Variants in MAP3K14 observed in about 807,000 individuals in gnomAD.
MAP3K14 encodes mitogen-activated protein kinase kinase kinase 14, also known as NF-kappa-beta-inducing kinase.
MAP3K14 carries 16 observed loss-of-function variants against 99.2 expected under a neutral mutation model. The observed-to-expected ratio is 0.16, with a 90% CI of 0.11 to 0.24. The LOEUF is 0.24. Among genes scored for constraint, MAP3K14 ranks in the 10% least tolerant of loss-of-function variants. The probability of loss-of-function intolerance (pLI) is 1.00; values close to 1 mark genes in which losing one functional copy is unlikely to be tolerated. For missense variants in MAP3K14, 784 were observed against 1,208.7 expected, an observed-to-expected ratio of 0.65 and a Z score of 5.21; for synonymous variants, 462 against 492.4, an observed-to-expected ratio of 0.94 and a Z score of 0.82.
intron 1 of MAP3K14, among the ~76,000 whole-genome samples, chr17:45,306,541 G>C (rs2044431179): frequency 6.6e-6 from 1 of 152,202 alleles, no homozygotes; most frequent in Admixed American, 6.5e-5. Context: ...ACCCAGGCCT[G>C]ACATAGCCAG....
chr17:45,273,438 A>G (rs577397347), intron 9 of MAP3K14, 65 bp downstream of exon 9: 1 of 1,262,030 alleles, frequency 7.9e-7, no homozygotes, highest in African/African-American at 1.5e-5. Context: ...CCCATTCTGG[A>G]AAGCATGGAA....
intron 1 of MAP3K14, among the ~76,000 whole-genome samples, chr17:45,308,296 T>C (rs1317900366): frequency 6.6e-6 from 1 of 152,196 alleles, no homozygotes. Context: ...GAGCCTTCTC[T>C]GTTGAAACCC....
rs1260838458 is a variant in MAP3K14 at position 45,289,407 on chromosome 17, C to T, written c.257-102G>A. 3.8e-5 allele frequency: 34 copies of T among 885,510 alleles called. No homozygotes were observed. The East Asian group carries it at 8.9e-4, about 23-fold the overall frequency. 54.9% of individuals were successfully genotyped at this position (885,510 alleles called of 1,614,324 possible). On this transcript the variant is annotated intron_variant, in intron 2 of 15. Coordinates refer to ENST00000344686, the MANE Select transcript of MAP3K14 (RefSeq NM_003954.5). ...AGATCCCCTCTGGCGCCTCTCCTTCCCCTCCTTTCCAGACAACCCCTGTCT... is the reference window on the plus strand; with the variant it reads ...AGATCCCCTCTGGCGCCTCTCCTTCTCCTCCTTTCCAGACAACCCCTGTCT...
chr17:45,274,555 T>C lies in MAP3K14; in HGVS notation c.1329A>G (p.Ala443=). 5.0e-6 allele frequency: 8 copies of C among 1,613,960 alleles called. No homozygotes were observed. The highest frequency in any genetic ancestry group is 5.9e-6 in the Non-Finnish European group (7 of 1,179,888). Residue 443 remains alanine, a synonymous_variant, in exon 7 of 16, where the codon GCA becomes GCG. Transcript: ENST00000344686. ...TTCTGGGTGAGGTCAATCCTGCACATGCCATCAGCTCCTCTGCCCGAAATA... is the reference window on the plus strand; with the variant it reads ...TTCTGGGTGAGGTCAATCCTGCACACGCCATCAGCTCCTCTGCCCGAAATA... The part of the protein sequence containing the change: ...LEVFRAEELM[A]CAGLTSPRIV...
intron 7 of MAP3K14, 79 bp from the exon 8 acceptor site, chr17:45,274,333 C>G (rs2044162911): frequency 6.4e-7 from 1 of 1,570,222 alleles, no homozygotes; most frequent in Non-Finnish European, 8.7e-7. Flanking sequence ...ACAGGGCAGG[C>G]AGTGGAAAGC....
rs1391419051 is a variant in MAP3K14 at position 45,267,576 on chromosome 17, G to A, written c.2156C>T (p.Pro719Leu). 6.2e-7 allele frequency: 1 copy of A among 1,613,342 alleles called. No individual in the cohort carries two copies. Among genetic ancestry groups the A allele is most frequent in the Non-Finnish European group, 8.5e-7 (1 of 1,179,636 alleles). Residue 719 changes from proline to leucine, a missense_variant, in exon 12 of 16, where the codon CCA becomes CTA. By Grantham distance (98) the Pro-to-Leu change is moderately conservative. Coordinates refer to ENST00000344686, the MANE Select transcript of MAP3K14 (RefSeq NM_003954.5). This position sits in a 1 kb window ranked among gnomAD's most constrained non-coding sequence, Gnocchi z 5.1. Reference protein sequence around the residue: ...RAPKLQPPLPPEPPEPNKSPP... With the variant: ...RAPKLQPPLPLEPPEPNKSPP... ...AGACTTGTTTGGCTCTGGGGGCTCT[G>A]GTGGGAGAGGAGGCTGGAGCTTAGG...
chr17:45,281,326 C>T (rs868675069), intron 6 of MAP3K14, among the ~76,000 whole-genome samples: 21 of 150,114 alleles, frequency 1.4e-4, no homozygotes, highest in African/African-American at 4.7e-4. Flanking sequence ...GTATAAGTGC[C>T]GCACCGCCTG....
At chr17:45,303,225 C>T (rs1250521304) in intron 1 of MAP3K14, among the ~76,000 whole-genome samples, 1 of 152,238 alleles carries the variant, frequency 6.6e-6, no homozygotes, top group African/African-American at 2.4e-5. Context: ...CCTAGCTAGC[C>T]TCTCCTGCCT....
intron 2 of MAP3K14, among the ~76,000 whole-genome samples, chr17:45,289,813 G>A (rs1445295456): frequency 6.6e-6 from 1 of 152,214 alleles, no homozygotes; most frequent in Non-Finnish European, 1.5e-5. Context: ...TATGCGTGTG[G>A]AGAAATGACA....
intron 14 of MAP3K14, 39 bp from the exon 15 acceptor site, chr17:45,265,302 C>T (rs1287287775): frequency 2.1e-6 from 3 of 1,409,032 alleles, no homozygotes. Flanking sequence ...AGAGCGGCTG[C>T]TGGCTCCCCA....
chr17:45,295,287 C>T (rs550995452), intron 1 of MAP3K14, among the ~76,000 whole-genome samples: 8 of 151,796 alleles, frequency 5.3e-5, no homozygotes, highest in African/African-American at 1.9e-4. Flanking sequence ...CCTCATCTCC[C>T]AATAACTAAA....
intron 15 of MAP3K14, 88 bp from the exon 16 acceptor site, chr17:45,264,888 C>T (rs886164806): frequency 1.2e-5 from 17 of 1,404,714 alleles, no homozygotes; most frequent in Admixed American, 4.1e-5. Flanking sequence ...CCAGCCAGAC[C>T]GGCAGCCCTA....
At chr17:45,300,018 G>T (rs1048701259) in intron 1 of MAP3K14, among the ~76,000 whole-genome samples, 6 of 152,150 alleles carry the variant, frequency 3.9e-5, no homozygotes, top group Non-Finnish European at 8.8e-5. Flanking sequence ...TGAACCTAGA[G>T]GTGGAGGTTG....
chr17:45,290,525 C>A lies in MAP3K14; in HGVS notation c.221G>T (p.Gly74Val). ...GGCGATGATAGAGATGGCAGCTGGC[C>A]CTGCCTCGGAGCCTTCCTTGGCTGT... ...KGTAKEGSEA[G>V]PAAISIIAQA... Residue 74 changes from glycine (G) to valine (V), a missense_variant, in exon 2 of 16, where the codon GGG becomes GTG. Around this residue, in one of 5 missense-constraint regions of MAP3K14, gnomAD observed 188 missense variants for 313.0 expected, o/e 0.60. Coordinates refer to ENST00000344686, the MANE Select transcript of MAP3K14 (RefSeq NM_003954.5). 2 of 1,613,960 alleles carry A rather than the reference C, an allele frequency of 1.2e-6. No homozygotes were observed. The highest frequency in any genetic ancestry group is 1.7e-6 in the Non-Finnish European group (2 of 1,179,896).
chr17:45,270,155 T>C (rs998254904), intron 11 of MAP3K14, among the ~76,000 whole-genome samples: 8 of 152,172 alleles, frequency 5.3e-5, no homozygotes, highest in African/African-American at 1.4e-4. Context: ...GGGTTGATTG[T>C]AGTTGAGTGG....
At chr17:45,309,065 C>T (rs1002275298) in intron 1 of MAP3K14, among the ~76,000 whole-genome samples, 2 of 152,216 alleles carry the variant, frequency 1.3e-5, no homozygotes, top group African/African-American at 4.8e-5. Flanking sequence ...AATCCTCCTG[C>T]CTTAGCCTCC....
At chr17:45,313,818 T>C (rs943179318) in intron 1 of MAP3K14, among the ~76,000 whole-genome samples, 2 of 152,200 alleles carry the variant, frequency 1.3e-5, no homozygotes, top group Admixed American at 1.3e-4. Context: ...AGAAAATCCT[T>C]ATCGTTTCAT....
intron 14 of MAP3K14, 82 bp from the exon 15 acceptor site, chr17:45,265,345 GTTT>G: frequency 1.1e-6 from 1 of 905,960 alleles, no homozygotes; most frequent in South Asian, 1.3e-5. Context: ...CTGGGGGAAC[GTTT>G]TTGTTAAAAG....
At position 45,265,214 on chromosome 17, in the gene MAP3K14, C is replaced by T. The variant is rs1598236761; in HGVS notation, c.2628G>A (p.Arg876=). The part of the protein sequence containing the change: ...QSLNGEHLHI[R]EFHRVKVGDI... ...CTCCCACTTTGACCCGGTGGAACTC[C>T]CGGATGTGCAGGTGTTCACCATTAA... The change falls in exon 15 of 16, where the codon CGG becomes CGA. Residue 876 remains arginine (R), a synonymous_variant. Coordinates refer to ENST00000344686, the MANE Select transcript of MAP3K14 (RefSeq NM_003954.5). 4 of 1,613,920 alleles carry T rather than the reference C, an allele frequency of 2.5e-6. No homozygotes were observed. Among genetic ancestry groups the T allele is most frequent in the East Asian group, 2.2e-5 (1 of 44,878 alleles).
Sources: gnomAD v4.1 joint callset for allele counts (sites outside exome capture counted in the v4.1 genomes callset) on GRCh38, gnomAD v4.1.1 for gene constraint, gnomAD v4.1.1 regional missense constraint, Gnocchi (gnomAD v3.1) non-coding constraint, MANE v1.5 for transcripts, NCBI Gene and HGNC (gene_info 2026-07-23, HGNC 2026-07-21) for gene names.